The following PRKCH variants were observed in gnomAD, a reference collection of about 807,000 sequenced individuals.
PRKCH encodes protein kinase C eta type.
In PRKCH, 28 loss-of-function variants were observed where a neutral mutation model predicts 82.5. That is an observed-to-expected ratio of 0.34 (90% confidence interval 0.25 to 0.47). PRKCH has a LOEUF of 0.47. Ranked by LOEUF, PRKCH falls within the 20% of genes least tolerant of loss-of-function variation. The pLI is 1.00. For synonymous variants in PRKCH, 322 were observed against 327.4 expected, an observed-to-expected ratio of 0.98 and a Z score of 0.18; for missense variants, 705 against 881.8, an observed-to-expected ratio of 0.80 and a Z score of 2.54.
At chr14:61,511,189 C>T (rs555464752) in intron 10 of PRKCH, among the ~76,000 whole-genome samples, 65 of 152,302 alleles carry the variant, frequency 4.3e-4, no homozygotes, top group Non-Finnish European at 8.5e-4. Flanking sequence ...GGTGAGTTTT[C>T]CTTGGCACTA....
chr14:61,254,320 A>T (rs562644826), intron 1 of PRKCH, among the ~76,000 whole-genome samples: 5 of 152,250 alleles, frequency 3.3e-5, no homozygotes, highest in Admixed American at 2.6e-4. Context: ...GTCGTGATAA[A>T]AATCATGCTA....
At chr14:61,510,345 A>G (rs960969873) in intron 10 of PRKCH, among the ~76,000 whole-genome samples, 1 of 152,138 alleles carries the variant, frequency 6.6e-6, no homozygotes, top group African/African-American at 2.4e-5. Flanking sequence ...CAGGAGTTCA[A>G]GTAGGAGGTC....
intron 9 of PRKCH, among the ~76,000 whole-genome samples, chr14:61,475,181 A>G (rs1341575977): frequency 6.6e-6 from 1 of 152,256 alleles, no homozygotes; most frequent in Non-Finnish European, 1.5e-5. Context: ...TACAAGCCCT[A>G]TACAAACTAA....
At chr14:61,301,632 A>G (rs538214263) in intron 1 of PRKCH, among the ~76,000 whole-genome samples, 1 of 152,314 alleles carries the variant, frequency 6.6e-6, no homozygotes, top group East Asian at 1.9e-4. Context: ...GCTTGAGCTC[A>G]GGAATTGGAG....
At chr14:61,355,684 G>T (rs890510450) in intron 1 of PRKCH, among the ~76,000 whole-genome samples, 2 of 152,018 alleles carry the variant, frequency 1.3e-5, no homozygotes, top group Non-Finnish European at 2.9e-5. Flanking sequence ...GATTAGTATT[G>T]CCCTGACTTT....
intron 1 of PRKCH, among the ~76,000 whole-genome samples, chr14:61,349,818 G>T (rs1255391163): frequency 6.6e-6 from 1 of 152,028 alleles, no homozygotes; most frequent in East Asian, 1.9e-4. Flanking sequence ...CTGAGATCAT[G>T]CCACTGCCCT....
intron 12 of PRKCH, among the ~76,000 whole-genome samples, chr14:61,540,369 C>T (rs1298708370): frequency 6.6e-6 from 1 of 152,198 alleles, no homozygotes; most frequent in Non-Finnish European, 1.5e-5. Context: ...TGATTCTCCT[C>T]ACCTGTCGGT....
chr14:61,327,317 T>C (rs1159035295), intron 1 of PRKCH: 5 of 335,646 alleles, frequency 1.5e-5, no homozygotes, highest in African/African-American at 1.1e-4. Flanking sequence ...ATTTTCTATC[T>C]AGTGGTTCAT....
At chr14:61,257,584 C>G (rs1313523154) in intron 1 of PRKCH, among the ~76,000 whole-genome samples, 3 of 148,716 alleles carry the variant, frequency 2.0e-5, no homozygotes, top group Non-Finnish European at 3.0e-5. Flanking sequence ...CTTTCTCCCT[C>G]TCTCTCTCTG....
chr14:61,457,795 A>C, intron 9 of PRKCH, 116 bp downstream of exon 9: 1 of 1,399,192 alleles, frequency 7.1e-7, no homozygotes, highest in Admixed American at 2.0e-5. Context: ...ATGGGCTCCC[A>C]AGGCAGGGTC....
At position 61,449,177 on chromosome 14, in the gene PRKCH, C is replaced by G; in HGVS notation, c.627C>G (p.Val209=). Residue 209 remains valine (V), a synonymous_variant, in exon 5 of 14, where the codon GTC becomes GTG. Coordinates refer to ENST00000332981, the MANE Select transcript of PRKCH (RefSeq NM_006255.5). ...TTAATTTCCTAGTGTGCACCTGTGT[C>G]GTCCATAAACGCTGCCATCATCTAA... is the stretch of plus-strand genomic sequence containing the variant. ...QGYQCQVCTC[V]VHKRCHHLIV... 6.2e-7 allele frequency: 1 copy of G among 1,613,778 alleles called. No homozygotes were observed. Among genetic ancestry groups the G allele is most frequent in the Non-Finnish European group, 8.5e-7 (1 of 1,179,730 alleles).
chr14:61,470,307 C>A (rs186788786), intron 9 of PRKCH, among the ~76,000 whole-genome samples: 1 of 151,692 alleles, frequency 6.6e-6, no homozygotes, highest in Non-Finnish European at 1.5e-5. Context: ...CCCCAGTAGG[C>A]TGCATTTGCT....
At chr14:61,498,331 G>A (rs1240051231) in intron 10 of PRKCH, among the ~76,000 whole-genome samples, 2 of 152,094 alleles carry the variant, frequency 1.3e-5, no homozygotes, top group East Asian at 1.9e-4. Flanking sequence ...TATTTTAGAA[G>A]TGATCTCATG....
intron 2 of PRKCH, among the ~76,000 whole-genome samples, chr14:61,432,131 G>A (rs1259694337): frequency 6.7e-6 from 1 of 149,728 alleles, no homozygotes; most frequent in Non-Finnish European, 1.5e-5. Flanking sequence ...TAAGTCTAAA[G>A]TTAGCTACCA....
chr14:61,491,589 C>T (rs1237465208), intron 10 of PRKCH, among the ~76,000 whole-genome samples: 2 of 152,198 alleles, frequency 1.3e-5, no homozygotes, highest in Non-Finnish European at 2.9e-5. Context: ...CAGAAAGTGA[C>T]CACCATTCCT....
intron 1 of PRKCH, among the ~76,000 whole-genome samples, chr14:61,236,921 A>G (rs913798124): frequency 4.6e-5 from 7 of 152,110 alleles, no homozygotes; most frequent in Admixed American, 2.6e-4. Flanking sequence ...ATCATCAAGG[A>G]ATAACCATAA....
chr14:61,224,916 G>C (rs1374648099), intron 1 of PRKCH, among the ~76,000 whole-genome samples: 1 of 152,166 alleles, frequency 6.6e-6, no homozygotes, highest in Non-Finnish European at 1.5e-5. Context: ...TGCTAAGACT[G>C]TTCCTCCAAG....
chr14:61,342,698 C>T (rs911448736), intron 1 of PRKCH, among the ~76,000 whole-genome samples: 1 of 152,194 alleles, frequency 6.6e-6, no homozygotes, highest in Non-Finnish European at 1.5e-5. Flanking sequence ...GTGTTTCAGC[C>T]CTCACTGAAA....
intron 2 of PRKCH, among the ~76,000 whole-genome samples, chr14:61,409,703 CAAAAAAAAAAA>C (rs56238869): frequency 7.1e-5 from 4 of 56,114 alleles, no homozygotes; most frequent in Non-Finnish European, 1.3e-4. Flanking sequence ...GACCCTGTCT[CAAAAAAAAAAA>C]AAAAAAAAAA....
Sources: allele counts gnomAD v4.1 joint callset (sites outside exome capture counted in the v4.1 genomes callset), GRCh38; gene constraint gnomAD v4.1.1; transcripts MANE v1.5; gene names NCBI Gene and HGNC (gene_info 2026-07-23, HGNC 2026-07-21).